The following HP1BP3 variants were observed in gnomAD, a reference collection of about 807,000 sequenced individuals.
HP1BP3 encodes the protein heterochromatin protein 1-binding protein 3.
Under a neutral mutation model 62.5 loss-of-function variants are expected in HP1BP3, and 12 were observed. That is an observed-to-expected ratio of 0.19 (90% CI 0.12 to 0.31). The LOEUF (loss-of-function observed/expected upper bound fraction) is 0.31. Among genes scored for constraint, HP1BP3 ranks in the 10% least tolerant of loss-of-function variants. The probability of loss-of-function intolerance (pLI) is 1.00; values close to 1 mark genes in which losing one functional copy is unlikely to be tolerated. For missense variants in HP1BP3, 502 were observed against 651.8 expected, an observed-to-expected ratio of 0.77 and a Z score of 2.50; for synonymous variants, 260 against 237.8, an observed-to-expected ratio of 1.09 and a Z score of -0.86.
In HP1BP3 at chr1:20,741,285, C is replaced by T. The variant is rs764243972; in HGVS notation, c.*3512G>A. ...TGGCTGGTGAGTTTCGTTCTCATGA[C>T]GTATCAAGATGGCAAGAGGGTCACA... On this transcript the variant is annotated 3_prime_UTR_variant, in exon 13 of 13. Transcript: ENST00000438032. Among the ~76,000 whole-genome samples, 4 of 152,112 alleles carry T rather than the reference C, an allele frequency of 2.6e-5. No individual in the cohort carries two copies. Among genetic ancestry groups the T allele is most frequent in the East Asian group, 3.8e-4 (2 of 5,196 alleles).
chr1:20,770,563 A>C (rs561004273), intron 6 of HP1BP3, among the ~76,000 whole-genome samples: 46 of 152,122 alleles, frequency 3.0e-4, no homozygotes, highest in African/African-American at 1.1e-3. Flanking sequence ...GATCCTCCCA[A>C]CTAAGCCTCC....
chr1:20,758,863 G>C (rs1557649770), intron 8 of HP1BP3, among the ~76,000 whole-genome samples: 2 of 149,772 alleles, frequency 1.3e-5, no homozygotes, highest in East Asian at 2.0e-4. Flanking sequence ...ATGTTGCCCA[G>C]CCTGGTCTCG....
chr1:20,764,073 A>G (rs575305334), intron 8 of HP1BP3, among the ~76,000 whole-genome samples: 27 of 152,284 alleles, frequency 1.8e-4, no homozygotes, highest in Middle Eastern at 3.4e-3. Context: ...AAATACTAAC[A>G]TTCTTCTTCC....
chr1:20,780,551 GA>G lies in HP1BP3; in HGVS notation c.-100-12del. 1 of 725,530 alleles carries G rather than the reference GA, an allele frequency of 1.4e-6. No homozygotes were observed. The highest frequency in any genetic ancestry group is 2.6e-5 in the East Asian group (1 of 38,284). The allele number at this position is 725,530 out of a possible 1,614,324, so 44.9% of individuals were successfully genotyped here. ...TGGTGAAGAATCAACCTAAAGCACA[GA>G]AAAGACCTGGTGTGAAGATTAACAG... On this transcript the variant is annotated splice_polypyrimidine_tract_variant and intron_variant, in intron 1 of 12. Transcript: ENST00000438032.
chr1:20,750,055 A>G (rs192602781), intron 9 of HP1BP3, 173 bp from the exon 10 acceptor site: 1 of 1,314,924 alleles, frequency 7.6e-7, no homozygotes, highest in Admixed American at 3.3e-5. Flanking sequence ...ATTCAATCTA[A>G]CTGAGAAGTC....
rs1459416644 is a variant in HP1BP3, at chr1:20,787,242, G to C, written c.-148C>G. The C allele has an allele frequency of 6.6e-6, 1 of 152,110 alleles. No homozygotes were observed. Among genetic ancestry groups the C allele is most frequent in the Non-Finnish European group, 1.5e-5 (1 of 68,044 alleles). The allele number at this position is 152,110 out of a possible 1,614,324, so 9.4% of individuals were successfully genotyped here. The stretch of plus-strand genomic sequence containing the variant: ...CGCCCGCGTCCCGCACGGCCTCTCG[G>C]CGCCGCTCCCGCCGCCGCTAGTCGC... On this transcript the variant is annotated 5_prime_UTR_variant, in exon 1 of 13. Coordinates refer to ENST00000438032, the MANE Select transcript of HP1BP3 (RefSeq NM_001372052.1).
At chr1:20,758,643 GC>G (rs2056275852) in intron 8 of HP1BP3, among the ~76,000 whole-genome samples, 1 of 149,074 alleles carries the variant, frequency 6.7e-6, no homozygotes, top group African/African-American at 2.5e-5. Flanking sequence ...ACCACACCTG[GC>G]CTTTTTTTTT....
intron 12 of HP1BP3, 89 bp downstream of exon 12, chr1:20,745,454 C>A: frequency 6.9e-7 from 1 of 1,441,138 alleles, no homozygotes; most frequent in Non-Finnish European, 9.3e-7. Context: ...TTCTGAAATG[C>A]TTTTTAGCTT....
chr1:20,761,657 T>C (rs992774247), intron 8 of HP1BP3, among the ~76,000 whole-genome samples: 2 of 152,164 alleles, frequency 1.3e-5, no homozygotes, highest in Admixed American at 1.3e-4. Context: ...ATTTGTGAAT[T>C]AATAGTTTAT....
chr1:20,747,401 G>A, intron 11 of HP1BP3, 143 bp downstream of exon 11: 2 of 595,142 alleles, frequency 3.4e-6, no homozygotes, highest in Middle Eastern at 4.3e-4. Context: ...TATGCGGGCA[G>A]TTCTGTAACC....
intron 3 of HP1BP3, 102 bp downstream of exon 3, chr1:20,779,710 T>TG (rs2057457229): frequency 1.9e-5 from 10 of 513,586 alleles, no homozygotes; most frequent in Non-Finnish European, 2.5e-5. Context: ...CACTTAGCCA[T>TG]GAAAAAAAAA....
At position 20,745,032 on chromosome 1, in the gene HP1BP3, C is replaced by A; in HGVS notation, c.1427G>T (p.Gly476Val). The A allele has an allele frequency of 6.2e-7, 1 of 1,614,050 alleles. No homozygotes were observed. The highest frequency in any genetic ancestry group is 8.5e-7 in the Non-Finnish European group (1 of 1,179,996). ...PGKAASVKQR[G>V]SKPAPKVSAA... is the part of the protein sequence containing the mutation. Reference sequence around the variant, plus strand: ...TGAGACTTTAGGTGCAGGTTTGGACCCTCTCTGCTTCACAGATGCGGCCTT... The same window carrying A: ...TGAGACTTTAGGTGCAGGTTTGGACACTCTCTGCTTCACAGATGCGGCCTT... The change falls in exon 13 of 13, where the codon GGG becomes GTG. Residue 476 changes from glycine (G) to valine (V), a missense_variant. By Grantham distance (109) the Gly-to-Val change is moderately radical. This residue lies in a region of HP1BP3 where 194 missense variants were observed against 207.0 expected (regional missense o/e 0.94). Transcript: ENST00000438032.
intron 10 of HP1BP3, 118 bp downstream of exon 10, chr1:20,749,605 C>T (rs1022006263): frequency 2.2e-5 from 21 of 942,442 alleles, no homozygotes; most frequent in South Asian, 3.3e-5. Flanking sequence ...GTGATCCACC[C>T]GCCTCAGCCT....
intron 1 of HP1BP3, among the ~76,000 whole-genome samples, chr1:20,781,298 G>C (rs1041087953): frequency 6.6e-6 from 1 of 151,892 alleles, no homozygotes; most frequent in Non-Finnish European, 1.5e-5. Flanking sequence ...TAAGTATCTA[G>C]ATCTCTGTGC....
At position 20,742,108 on chromosome 1, in the gene HP1BP3, T is replaced by A. The variant is rs2055099809; in HGVS notation, c.*2689A>T. Among the ~76,000 whole-genome samples the A allele has an allele frequency of 1.3e-5, 2 of 152,224 alleles. No homozygotes were observed. The highest frequency in any genetic ancestry group is 4.1e-4 in the South Asian group (2 of 4,836). On this transcript the variant is annotated 3_prime_UTR_variant, in exon 13 of 13. Transcript: ENST00000438032. ...CTAAACTTCTCAGCCTGTGCTTAAG[T>A]GCCTGGTGTGCAATACAGCCACCAG... is the stretch of plus-strand genomic sequence containing the variant.
chr1:20,765,341 ACAT>A lies in HP1BP3; in HGVS notation c.890+33_890+35del, dbSNP rs758237384. ...TGAAAAGGGAGCTAAAGGAAGTAAC[ACAT>A]CATGTTTTAAAGGCCAGGCCAATGG... On this transcript the variant is annotated intron_variant, in intron 8 of 12. Transcript: ENST00000438032. 6.2e-6 allele frequency: 9 copies of A among 1,456,590 alleles called. No individual in the cohort carries two copies. The Admixed American group carries it at 1.8e-4, about 29-fold the overall frequency. The allele number at this position is 1,456,590 out of a possible 1,614,324, so 90.2% of individuals were successfully genotyped here. A position where few individuals can be genotyped will look rare whatever the true frequency, so the allele number is the denominator to read the frequency against.
intron 4 of HP1BP3, chr1:20,776,162 C>CA: frequency 1.6e-6 from 1 of 638,498 alleles, no homozygotes; most frequent in Non-Finnish European, 2.5e-6. Context: ...GTCACACTAC[C>CA]AATGGCTTGA....
rs1186127036 is a variant in HP1BP3, at chr1:20,773,520, G to C, written c.441C>G (p.Ala147=). 6.2e-7 allele frequency: 1 copy of C among 1,611,822 alleles called. No individual in the cohort carries two copies. The highest frequency in any genetic ancestry group is 2.2e-5 in the East Asian group (1 of 44,754). Reference sequence around the variant, plus strand: ...AAGAAGCCATCGGTGTTTGTTTCTGGGCCCTGGCTAGCTGGCTGGCAGAAA... The same window carrying C: ...AAGAAGCCATCGGTGTTTGTTTCTGCGCCCTGGCTAGCTGGCTGGCAGAAA... ...ATLSASQLAR[A]QKQTPMASSP... The change falls in exon 5 of 13, where the codon GCC becomes GCG. Residue 147 remains alanine, a synonymous_variant. Coordinates refer to ENST00000438032, the MANE Select transcript of HP1BP3 (RefSeq NM_001372052.1).
At chr1:20,768,215 G>A (rs2056880084) in intron 6 of HP1BP3, among the ~76,000 whole-genome samples, 4 of 152,072 alleles carry the variant, frequency 2.6e-5, no homozygotes, top group Admixed American at 2.6e-4. Context: ...GGGAGGCCGA[G>A]GCGGGCGAAT....
Sources: allele counts gnomAD v4.1 joint callset (sites outside exome capture counted in the v4.1 genomes callset), GRCh38; gene constraint gnomAD v4.1.1; regional missense constraint gnomAD v4.1.1; transcripts MANE v1.5; gene names NCBI Gene and HGNC (gene_info 2026-07-23, HGNC 2026-07-21).